The following CEP85L variants were observed in gnomAD, a reference collection of about 807,000 sequenced individuals.
The protein encoded by CEP85L is centrosomal protein of 85 kDa-like.
In CEP85L, 60 loss-of-function variants were observed where a neutral mutation model predicts 100.3. The ratio of observed to expected loss-of-function variants is 0.60; its 90% CI spans 0.49 to 0.74. The LOEUF (loss-of-function observed/expected upper bound fraction) is 0.74, where lower values mean the gene tolerates loss of function less well. Ranked by LOEUF, CEP85L falls within the 30% of genes least tolerant of loss-of-function variation. CEP85L has a pLI of 0.00. For missense variants in CEP85L, 973 were observed against 936.2 expected (o/e 1.04, Z -0.51); for synonymous variants, 319 against 322.7 (o/e 0.99, Z 0.12).
intron 1 of CEP85L, among the ~76,000 whole-genome samples, chr6:118,678,160 G>A (rs575849229): frequency 6.6e-6 from 1 of 152,206 alleles, no homozygotes; most frequent in Non-Finnish European, 1.5e-5. Context: ...GAAGGAAACA[G>A]AATTAGGTAA....
Position 118,491,500 on chromosome 6 carries a change from C to A in CEP85L, c.1437+186G>T, listed in dbSNP as rs1008346907. 82 of 1,358,368 alleles carry A rather than the reference C, an allele frequency of 6.0e-5. No homozygotes were observed. In the Middle Eastern group the frequency reaches 1.1e-3, roughly 18 times the overall value. 84.1% of individuals were successfully genotyped at this position (1,358,368 alleles called of 1,614,324 possible). A position where few individuals can be genotyped will look rare whatever the true frequency, so the allele number is the denominator to read the frequency against. On this transcript the variant is annotated intron_variant, in intron 6 of 12. Transcript: ENST00000368491. ...GAAAGATATACAAGAGCATTTCTATCCTCAAAGAAAATCCTTGGATTTCTG... is the reference window on the plus strand; with the variant it reads ...GAAAGATATACAAGAGCATTTCTATACTCAAAGAAAATCCTTGGATTTCTG...
intron 1 of CEP85L, among the ~76,000 whole-genome samples, chr6:118,667,267 T>C (rs1343810879): frequency 2.0e-5 from 3 of 152,244 alleles, no homozygotes; most frequent in Non-Finnish European, 4.4e-5. Flanking sequence ...TGGGTCACCA[T>C]TGCTTGAGGG....
intron 1 of CEP85L, among the ~76,000 whole-genome samples, chr6:118,670,390 C>T (rs9489492): frequency 0.029 from 4,388 of 152,070 alleles, 99 homozygotes; most frequent in African/African-American, 0.056. Flanking sequence ...CCACCCTCCA[C>T]CCTCAAGTAG....
rs56123225 is a variant in CEP85L at position 118,569,341 on chromosome 6, C to CAAAA, written c.233-3029_233-3026dup. Among the ~76,000 whole-genome samples the CAAAA allele has an allele frequency of 4.8e-3, 325 of 68,198 alleles. 25 individuals are homozygous for CAAAA. The highest frequency in any genetic ancestry group is 0.016 in the African/African-American group (242 of 14,924). 44.7% of individuals were successfully genotyped at this position (68,198 alleles called of 152,430 possible). On this transcript the variant is annotated intron_variant, in intron 2 of 12. Coordinates refer to ENST00000368491, the MANE Select transcript of CEP85L (RefSeq NM_001042475.3). ...TGGGTGACAAGGCTAGACTCTGTCT[C>CAAAA]AAAAAAAAAAAAAAAAAAAAAAAAA...
chr6:118,679,121 G>A (rs991960685), intron 1 of CEP85L, among the ~76,000 whole-genome samples: 1 of 152,094 alleles, frequency 6.6e-6, no homozygotes. Flanking sequence ...CAATTCAATT[G>A]TTACCTTTGG....
At chr6:118,655,366 AG>A (rs981022155), upstream of CEP85L, among the ~76,000 whole-genome samples, 40 of 152,352 alleles carry the variant, frequency 2.6e-4, no homozygotes, top group African/African-American at 8.9e-4. Flanking sequence ...TTCTGCCAAC[AG>A]ATGAAGTCTT....
intron 6 of CEP85L, among the ~76,000 whole-genome samples, chr6:118,487,418 C>T (rs1172499701): frequency 6.6e-6 from 1 of 152,176 alleles, no homozygotes; most frequent in South Asian, 2.1e-4. Flanking sequence ...TTGAACTCTC[C>T]TTCCCCAAAC....
intron 1 of CEP85L, among the ~76,000 whole-genome samples, chr6:118,667,328 G>T (rs969787777): frequency 6.6e-6 from 1 of 152,190 alleles, no homozygotes; most frequent in Non-Finnish European, 1.5e-5. Flanking sequence ...TACACTCTAA[G>T]TGCTGCTCTA....
At chr6:118,653,824 G>A (rs1346758338), upstream of CEP85L, among the ~76,000 whole-genome samples, 1 of 151,776 alleles carries the variant, frequency 6.6e-6, no homozygotes, top group Non-Finnish European at 1.5e-5. Context: ...TGTTTTGGGA[G>A]GGGACTTTTT....
intron 4 of CEP85L, among the ~76,000 whole-genome samples, chr6:118,517,145 G>A (rs1221632561): frequency 6.6e-6 from 1 of 152,182 alleles, no homozygotes; most frequent in African/African-American, 2.4e-5. Flanking sequence ...GGTTACTGCA[G>A]CGTTTTAGTA....
intron 5 of CEP85L, chr6:118,502,029 A>G: frequency 1.2e-6 from 1 of 833,550 alleles, no homozygotes; most frequent in Non-Finnish European, 2.0e-6. Context: ...AAAGAAGAAA[A>G]CCAGATGGAA....
At chr6:118,655,034 T>G (rs766169082), upstream of CEP85L, among the ~76,000 whole-genome samples, 1 of 151,814 alleles carries the variant, frequency 6.6e-6, no homozygotes, top group Non-Finnish European at 1.5e-5. Flanking sequence ...CCAGGAATTA[T>G]GGTGAAATAG....
In CEP85L at chr6:118,481,897, C is replaced by T; in HGVS notation, c.1627G>A (p.Glu543Lys). The T allele has an allele frequency of 4.5e-6, 7 of 1,572,874 alleles. No individual in the cohort carries two copies. The highest frequency in any genetic ancestry group is 6.0e-6 in the Non-Finnish European group (7 of 1,159,510). Residue 543 changes from glutamate (E) to lysine (K), a missense_variant, in exon 8 of 13, where the codon GAG becomes AAG. By Grantham distance (56) the Glu-to-Lys change is moderately conservative. Transcript: ENST00000368491. ...ILEEKNKNLQ[E>K]ALIDTEKKLE... The stretch of plus-strand genomic sequence containing the variant: ...TTTTTTTCTGTATCTATCAAAGCCT[C>T]TTGTAAATTCTTATTTTTTTCTTCC...
chr6:118,550,459 AG>A (rs1001200058), intron 3 of CEP85L, among the ~76,000 whole-genome samples: 18 of 151,894 alleles, frequency 1.2e-4, no homozygotes, highest in Non-Finnish European at 2.2e-4. Flanking sequence ...AGAAATGAGG[AG>A]GGCCAATGAA....
chr6:118,662,376 A>G (rs1350085189), intron 1 of CEP85L, among the ~76,000 whole-genome samples: 1 of 151,998 alleles, frequency 6.6e-6, no homozygotes, highest in African/African-American at 2.4e-5. Context: ...CTGAAAATAC[A>G]AAAATTAGCT....
At chr6:118,554,540 G>C (rs1056959877) in intron 3 of CEP85L, among the ~76,000 whole-genome samples, 1 of 152,092 alleles carries the variant, frequency 6.6e-6, no homozygotes, top group Non-Finnish European at 1.5e-5. Context: ...TACCAATTAT[G>C]CACTAAGTAC....
At chr6:118,701,056 A>C (rs995547763) in intron 1 of CEP85L, among the ~76,000 whole-genome samples, 2 of 152,218 alleles carry the variant, frequency 1.3e-5, no homozygotes, top group African/African-American at 2.4e-5. Flanking sequence ...ACATAATCCC[A>C]AAGCCACAGG....
At chr6:118,613,757 CAA>C (rs370753175) in intron 2 of CEP85L, among the ~76,000 whole-genome samples, 14 of 102,646 alleles carry the variant, frequency 1.4e-4, no homozygotes, top group African/African-American at 5.1e-4. Context: ...ATCTGTGTCT[CAA>C]AAAAAAAAAA....
rs1295208720 is a variant in CEP85L, at chr6:118,463,140, T to A, written c.*2265A>T. On this transcript the variant is annotated 3_prime_UTR_variant, in exon 13 of 13. Transcript: ENST00000368491. ...TTTTAAGATACGTGAATTAAATTACTTTCTCTAAGTTTTAGAAAGCTAACT... is the reference window on the plus strand; with the variant it reads ...TTTTAAGATACGTGAATTAAATTACATTCTCTAAGTTTTAGAAAGCTAACT... 2.6e-5 allele frequency: 4 copies of A among 151,980 alleles called. No individual in the cohort carries two copies. The highest frequency in any genetic ancestry group is 9.7e-5 in the African/African-American group (4 of 41,436). 9.4% of individuals were successfully genotyped at this position (151,980 alleles called of 1,614,324 possible). A position where few individuals can be genotyped will look rare whatever the true frequency, so the allele number is the denominator to read the frequency against.
Sources: gnomAD v4.1 joint callset for allele counts (sites outside exome capture counted in the v4.1 genomes callset) on GRCh38, gnomAD v4.1.1 for gene constraint, MANE v1.5 for transcripts, NCBI Gene and HGNC (gene_info 2026-07-23, HGNC 2026-07-21) for gene names.